Variants in DPF3 observed in about 807,000 individuals in gnomAD.
The protein encoded by DPF3 is double PHD fingers 3.
A neutral mutation model predicts 56.8 loss-of-function variants in DPF3; 18 were observed. That is an observed-to-expected ratio of 0.32 (90% CI 0.22 to 0.47). The LOEUF (loss-of-function observed/expected upper bound fraction) is 0.47. DPF3 is among the 20% of genes least tolerant of loss of function. DPF3 has a pLI of 1.00. For synonymous variants in DPF3, 188 were observed against 180.2 expected, an observed-to-expected ratio of 1.04 and a Z score of -0.35; for missense variants, 403 against 488.8, an observed-to-expected ratio of 0.82 and a Z score of 1.65.
At chr14:72,649,398 T>G (rs1301328410) in intron 8 of DPF3, among the ~76,000 whole-genome samples, 1 of 151,894 alleles carries the variant, frequency 6.6e-6, no homozygotes, top group East Asian at 1.9e-4. Flanking sequence ...CAGGATGCAC[T>G]TTGGATCATG....
intron 1 of DPF3, among the ~76,000 whole-genome samples, 153 bp from the exon 2 acceptor site, chr14:72,772,046 G>A (rs1218834437): frequency 1.3e-5 from 2 of 152,316 alleles, no homozygotes; most frequent in South Asian, 2.1e-4. Flanking sequence ...CCTTGCCAAT[G>A]AGCAGAATGC....
intron 8 of DPF3, among the ~76,000 whole-genome samples, chr14:72,672,062 C>CGG (rs1455317732): frequency 1.2e-3 from 158 of 126,962 alleles, no homozygotes; most frequent in African/African-American, 4.8e-3. Flanking sequence ...CACACACAGA[C>CGG]ACACACACAC....
intron 6 of DPF3, 84 bp from the exon 7 acceptor site, chr14:72,693,297 T>A: frequency 6.9e-7 from 1 of 1,453,292 alleles, no homozygotes; most frequent in Non-Finnish European, 9.3e-7. Context: ...CAGACAGTGA[T>A]CCCATCCATC....
At chr14:72,639,764 C>T (rs1885488307) in intron 8 of DPF3, among the ~76,000 whole-genome samples, 1 of 152,168 alleles carries the variant, frequency 6.6e-6, no homozygotes, top group Non-Finnish European at 1.5e-5. Context: ...CCAGATAAAA[C>T]ACACATAGAT....
At chr14:72,774,216 A>T (rs1599429647) in intron 1 of DPF3, among the ~76,000 whole-genome samples, 1 of 127,068 alleles carries the variant, frequency 7.9e-6, no homozygotes, top group South Asian at 2.9e-4. Flanking sequence ...GTGAGTTGGG[A>T]TTGTGCCACT....
intron 6 of DPF3, among the ~76,000 whole-genome samples, chr14:72,698,264 A>G (rs1030643027): frequency 5.3e-5 from 8 of 152,254 alleles, no homozygotes; most frequent in African/African-American, 1.4e-4. Flanking sequence ...TCAAGGACCT[A>G]TACAGCTGTT....
chr14:72,744,996 T>C (rs779942773), intron 3 of DPF3, among the ~76,000 whole-genome samples: 9 of 151,102 alleles, frequency 6.0e-5, no homozygotes, highest in Non-Finnish European at 1.3e-4. Flanking sequence ...TCAACAGTAC[T>C]AGGCAAAACT....
At chr14:72,772,697 G>A (rs1418756805) in intron 1 of DPF3, among the ~76,000 whole-genome samples, 1 of 152,130 alleles carries the variant, frequency 6.6e-6, no homozygotes, top group Non-Finnish European at 1.5e-5. Context: ...TAATTTTAAG[G>A]TAGTGTCCTT....
At chr14:72,641,196 C>T (rs1885553781) in intron 8 of DPF3, among the ~76,000 whole-genome samples, 1 of 152,164 alleles carries the variant, frequency 6.6e-6, no homozygotes, top group Non-Finnish European at 1.5e-5. Context: ...GCCCTCATGC[C>T]TCTCCAAATC....
chr14:72,764,095 G>T (rs1891166444), intron 2 of DPF3, among the ~76,000 whole-genome samples: 1 of 152,188 alleles, frequency 6.6e-6, no homozygotes, highest in Non-Finnish European at 1.5e-5. Context: ...GGACCTGCTG[G>T]ATAGCCTCTG....
At chr14:72,806,304 G>A (rs998325801) in intron 1 of DPF3, among the ~76,000 whole-genome samples, 9 of 151,974 alleles carry the variant, frequency 5.9e-5, no homozygotes, top group African/African-American at 1.2e-4. Context: ...CTCAACCAAC[G>A]TATGACAGTA....
chr14:72,799,339 G>A (rs1892772980), intron 1 of DPF3, among the ~76,000 whole-genome samples: 1 of 152,140 alleles, frequency 6.6e-6, no homozygotes, highest in African/African-American at 2.4e-5. Context: ...TTCAGAGACA[G>A]GCTTGTGACT....
chr14:72,876,168 A>C (rs1282766270), intron 1 of DPF3, among the ~76,000 whole-genome samples: 1 of 152,224 alleles, frequency 6.6e-6, no homozygotes, highest in Non-Finnish European at 1.5e-5. Context: ...CAGCGTTGCA[A>C]ATCGGCCCTT....
intron 1 of DPF3, among the ~76,000 whole-genome samples, chr14:72,814,333 G>C (rs1883191661): frequency 6.6e-6 from 1 of 151,104 alleles, no homozygotes; most frequent in Admixed American, 6.6e-5. Flanking sequence ...ATCATACTTG[G>C]GGGATGTGTG....
chr14:72,720,019 A>G (rs1465478082), intron 5 of DPF3, among the ~76,000 whole-genome samples: 8 of 151,746 alleles, frequency 5.3e-5, no homozygotes, highest in Non-Finnish European at 1.2e-4. Context: ...TCTAATTCTC[A>G]TTAATCTAGT....
At chr14:72,626,514 T>C (rs1884837908) in intron 9 of DPF3, among the ~76,000 whole-genome samples, 1 of 152,152 alleles carries the variant, frequency 6.6e-6, no homozygotes, top group Non-Finnish European at 1.5e-5. Context: ...ACATCTGCCT[T>C]ATTCTTTTTT....
chr14:72,777,146 G>A (rs771917555), intron 1 of DPF3, among the ~76,000 whole-genome samples: 5 of 152,072 alleles, frequency 3.3e-5, no homozygotes, highest in South Asian at 2.1e-4. Flanking sequence ...CCCCAGAGGC[G>A]CCTCTTCCTC....
At chr14:72,787,450 C>T (rs889519135) in intron 1 of DPF3, among the ~76,000 whole-genome samples, 6 of 152,176 alleles carry the variant, frequency 3.9e-5, no homozygotes, top group South Asian at 2.1e-4. Context: ...TGATGGAACA[C>T]GGGCAGAGCC....
Position 72,611,921 on chromosome 14 carries a change from C to G in DPF3, c.*7376G>C, listed in dbSNP as rs747011161. On this transcript the variant is annotated 3_prime_UTR_variant, in exon 11 of 11. Transcript: ENST00000556509. ...CTTCCGTGATGGCGCGATACTTGAC[C>G]TACAATCACGATTGCTTGGCAGAGC... 6.6e-6 allele frequency among the ~76,000 whole-genome samples: 1 copy of G among 152,136 alleles called. No individual in the cohort carries two copies. The highest frequency in any genetic ancestry group is 1.5e-5 in the Non-Finnish European group (1 of 68,038).
Sources: gnomAD v4.1 joint callset for allele counts (sites outside exome capture counted in the v4.1 genomes callset) on GRCh38, gnomAD v4.1.1 for gene constraint, MANE v1.5 for transcripts, NCBI Gene and HGNC (gene_info 2026-07-23, HGNC 2026-07-21) for gene names.